The following KAT2A variants were observed in gnomAD, a reference collection of about 807,000 sequenced individuals.
The protein encoded by KAT2A is histone acetyltransferase KAT2A.
In KAT2A, 42 loss-of-function variants were observed where a neutral mutation model predicts 95.2. That is an observed-to-expected ratio of 0.44 (90% CI 0.34 to 0.57). The LOEUF (loss-of-function observed/expected upper bound fraction) is 0.57, where lower values mean the gene tolerates loss of function less well. Ranked by LOEUF, KAT2A falls within the 20% of genes least tolerant of loss-of-function variation. KAT2A has a pLI of 0.01. For synonymous variants in KAT2A, 449 were observed against 448.2 expected (o/e 1.00, Z -0.02); for missense variants, 784 against 1,126.3 (o/e 0.70, Z 4.35).
At chr17:42,120,874 G>A in intron 1 of KAT2A, 45 bp from the exon 2 acceptor site, 1 of 1,579,428 alleles carries the variant, frequency 6.3e-7, no homozygotes, top group Non-Finnish European at 8.6e-7. Flanking sequence ...TCTGGGGCAA[G>A]AGCCGCTCCG....
chr17:42,116,952 T>TGCCACACATCCTGCTGCTC, intron 11 of KAT2A, 83 bp downstream of exon 11: 1 of 1,526,774 alleles, frequency 6.5e-7, no homozygotes, highest in African/African-American at 1.4e-5. Context: ...GGCTGCTGCA[T>TGCCACACATCCTGCTGCTC]GCCACACATC....
intron 11 of KAT2A, among the ~76,000 whole-genome samples, 188 bp downstream of exon 11, chr17:42,116,847 G>C (rs2054264938): frequency 6.6e-6 from 1 of 152,250 alleles, no homozygotes; most frequent in Admixed American, 6.5e-5. Flanking sequence ...GGCTCCGTCT[G>C]TCAACAGGTG....
chr17:42,119,194 G>C lies in KAT2A; in HGVS notation c.1073+51C>G. 1 of 1,556,806 alleles carries C rather than the reference G, an allele frequency of 6.4e-7. No individual in the cohort carries two copies. ...CCTTCCTGGAAAAAAGGGGACAACA[G>C]GGAGGATGTGAACTTGGGGCCAAAT... On this transcript the variant is annotated intron_variant, in intron 6 of 17. Transcript: ENST00000225916. This position sits in a 1 kb window ranked among gnomAD's most constrained non-coding sequence, Gnocchi z 5.3.
rs782373861 is a variant in KAT2A, at chr17:42,117,577, T to C, written c.1448A>G (p.Asn483Ser). The C allele has an allele frequency of 8.1e-6, 13 of 1,612,866 alleles. No individual in the cohort carries two copies. The highest frequency in any genetic ancestry group is 1.1e-5 in the Non-Finnish European group (13 of 1,179,828). Residue 483 changes from asparagine (N) to serine (S), a missense_variant, in exon 10 of 18, where the codon AAT (asparagine) becomes AGT (serine). Asn to Ser is a conservative substitution (Grantham distance 46). Coordinates refer to ENST00000225916, the MANE Select transcript of KAT2A (RefSeq NM_021078.3). The surrounding 1 kb of genome is among the most constrained non-coding windows in gnomAD (Gnocchi z 8.9). ...GCGGGCTGTCTCATCCCGGGCCGCA[T>C]TGGCCGAAAGCAGGCTCGTCTGGGC... Reference protein sequence around the residue: ...LGPETSLLSANAARDETARLE... With the variant: ...LGPETSLLSASAARDETARLE...
At chr17:42,116,407 C>T (rs1324151112) in intron 11 of KAT2A, among the ~76,000 whole-genome samples, 1 of 152,226 alleles carries the variant, frequency 6.6e-6, no homozygotes, top group Non-Finnish European at 1.5e-5. Flanking sequence ...AAACTATCAG[C>T]ATAGGGCTAC....
chr17:42,113,903 A>G, intron 17 of KAT2A, 61 bp from the exon 18 acceptor site: 1 of 1,495,016 alleles, frequency 6.7e-7, no homozygotes, highest in Non-Finnish European at 8.9e-7. Flanking sequence ...AGGGCTGTCC[A>G]CCAGGGTGGG....
Position 42,117,627 on chromosome 17 carries a change from G to A in KAT2A, c.1429-31C>T, listed in dbSNP as rs1357519964. 3.7e-6 allele frequency: 6 copies of A among 1,606,844 alleles called. No individual in the cohort carries two copies. In the African/African-American group the frequency reaches 5.3e-5, roughly 14 times the overall value. On this transcript the variant is annotated intron_variant, in intron 9 of 17. Transcript: ENST00000225916. The surrounding 1 kb of genome is among the most constrained non-coding windows in gnomAD (Gnocchi z 8.9). ...CACAGAAGAGGGGTGGTGAGCCGGG[G>A]TCTCAGGTTGGTGGGGGTCCCCCAA...
Position 42,115,860 on chromosome 17 carries a change from C to T in KAT2A, c.1765-27G>A, listed in dbSNP as rs782727381. 16 of 1,357,770 alleles carry T rather than the reference C, an allele frequency of 1.2e-5. No individual in the cohort carries two copies. In the South Asian group the frequency reaches 1.7e-4, roughly 15 times the overall value. The allele number at this position is 1,357,770 out of a possible 1,614,324, so 84.1% of individuals were successfully genotyped here. The stretch of plus-strand genomic sequence containing the variant: ...TGCGGGGGAGGGAAGCAGGACTCAC[C>T]AGGAGCTGAGGATGGGCCTGGTGCT... On this transcript the variant is annotated intron_variant, in intron 11 of 17. Coordinates refer to ENST00000225916, the MANE Select transcript of KAT2A (RefSeq NM_021078.3).
Position 42,115,834 on chromosome 17 carries a change from C to T in KAT2A, c.1765-1G>A. On this transcript the variant is annotated splice_acceptor_variant, in intron 11 of 17. Coordinates refer to ENST00000225916, the MANE Select transcript of KAT2A (RefSeq NM_021078.3). LOFTEE classifies it high-confidence loss of function. ...GGTTCATCAGGTGGGTCCCATAACC[C>T]TGCGGGGGAGGGAAGCAGGACTCAC... 1.9e-6 allele frequency: 3 copies of T among 1,588,542 alleles called. No individual in the cohort carries two copies. Among genetic ancestry groups the T allele is most frequent in the Non-Finnish European group, 2.6e-6 (3 of 1,156,796 alleles).
At chr17:42,120,921 G>A in intron 1 of KAT2A, 45 bp downstream of exon 1, 2 of 1,555,284 alleles carry the variant, frequency 1.3e-6, no homozygotes, top group Non-Finnish European at 1.7e-6. Context: ...CCAGAGCCCT[G>A]GGATGCCCCA....
Position 42,114,405 on chromosome 17 carries a change from G to A in KAT2A, c.2135-11C>T, listed in dbSNP as rs1555665520. 1.2e-6 allele frequency: 2 copies of A among 1,613,898 alleles called. No homozygotes were observed. The highest frequency in any genetic ancestry group is 1.7e-5 in the Admixed American group (1 of 59,996). On this transcript the variant is annotated splice_polypyrimidine_tract_variant and intron_variant, in intron 14 of 17. Transcript: ENST00000225916. This position sits in a 1 kb window ranked among gnomAD's most constrained non-coding sequence, Gnocchi z 6.0. Reference sequence around the variant, plus strand: ...TCCAGCCTGTCTCTCCTGCAAAGTGGGAAGTGGGAGAATGTCTCTAAGAAT... The same window carrying A: ...TCCAGCCTGTCTCTCCTGCAAAGTGAGAAGTGGGAGAATGTCTCTAAGAAT...
chr17:42,121,159 G>A lies in KAT2A; in HGVS notation c.146C>T (p.Ala49Val), dbSNP rs1555667290. The part of the protein sequence containing the change: ...IPTPTPAPAP[A>V]PAAAPAGSTG... ...GCTGCCGGCTGGGGCTGCAGCTGGGGCAGGGGCTGGTGCCGGGGTGGGAGT... is the reference window on the plus strand; with the variant it reads ...GCTGCCGGCTGGGGCTGCAGCTGGGACAGGGGCTGGTGCCGGGGTGGGAGT... The change falls in exon 1 of 18, where the codon GCC (alanine) becomes GTC (valine). Residue 49 changes from alanine to valine, a missense_variant. Ala to Val is a moderately conservative substitution (Grantham distance 64). Around this residue, in one of 6 missense-constraint regions of KAT2A, gnomAD observed 142 missense variants for 123.2 expected, o/e 1.15. Coordinates refer to ENST00000225916, the MANE Select transcript of KAT2A (RefSeq NM_021078.3). The A allele has an allele frequency of 2.8e-6, 4 of 1,451,442 alleles. No individual in the cohort carries two copies. The Admixed American group carries it at 6.9e-5, about 25-fold the overall frequency. 89.9% of individuals were successfully genotyped at this position (1,451,442 alleles called of 1,614,324 possible). A position where few individuals can be genotyped will look rare whatever the true frequency, so the allele number is the denominator to read the frequency against.
At position 42,120,775 on chromosome 17, in the gene KAT2A, G is replaced by A. The variant is rs781967231; in HGVS notation, c.394C>T (p.Pro132Ser). The change falls in exon 2 of 18, where the codon CCC becomes TCC. Residue 132 changes from proline (P) to serine (S), a missense_variant. By Grantham distance (74) the Pro-to-Ser change is moderately conservative. Around this residue, in one of 6 missense-constraint regions of KAT2A, gnomAD observed 208 missense variants for 339.7 expected, o/e 0.61. Coordinates refer to ENST00000225916, the MANE Select transcript of KAT2A (RefSeq NM_021078.3). Reference sequence around the variant, plus strand: ...GCTGGCTGCTGCAGATCCATGCGGGGTGCAGTGGGGGGCTTGGGGTTTTTC... The same window carrying A: ...GCTGGCTGCTGCAGATCCATGCGGGATGCAGTGGGGGGCTTGGGGTTTTTC... ...GWKNPKPPTA[P>S]RMDLQQPAAN... is the part of the protein sequence containing the mutation. 6.2e-6 allele frequency: 10 copies of A among 1,613,986 alleles called. No homozygotes were observed. The highest frequency in any genetic ancestry group is 8.5e-6 in the Non-Finnish European group (10 of 1,179,928).
At chr17:42,115,447 C>G (rs1161154894) in intron 12 of KAT2A, among the ~76,000 whole-genome samples, 2 of 140,892 alleles carry the variant, frequency 1.4e-5, no homozygotes, top group Non-Finnish European at 3.1e-5. Context: ...CTAGTGCCCC[C>G]CCCAGTTCCT....
In KAT2A at chr17:42,115,829, T is replaced by C. The variant is rs782199510; in HGVS notation, c.1769A>G (p.Tyr590Cys). The change falls in exon 12 of 18, where the codon TAT (tyrosine) becomes TGT (cysteine). Residue 590 changes from tyrosine to cysteine, a missense_variant. This residue lies in a region of KAT2A where 174 missense variants were observed against 324.9 expected (regional missense o/e 0.54). Transcript: ENST00000225916. The stretch of plus-strand genomic sequence containing the variant: ...CAGGTGGTTCATCAGGTGGGTCCCA[T>C]AACCCTGCGGGGGAGGGAAGCAGGA... ...AVTSNEQVKG[Y>C]GTHLMNHLKE... 6.3e-7 allele frequency: 1 copy of C among 1,597,324 alleles called. No homozygotes were observed. The highest frequency in any genetic ancestry group is 8.6e-7 in the Non-Finnish European group (1 of 1,164,744).
rs2054332338 is a variant in KAT2A, at chr17:42,121,132, G to C, written c.173C>G (p.Thr58Arg). 2 of 1,497,052 alleles carry C rather than the reference G, an allele frequency of 1.3e-6. No homozygotes were observed. The highest frequency in any genetic ancestry group is 8.9e-7 in the Non-Finnish European group (1 of 1,120,566). The allele number at this position is 1,497,052 out of a possible 1,614,324, so 92.7% of individuals were successfully genotyped here. ...TCCTACCCCGGGCCCCCCAGTCCCT[G>C]TGCTGCCGGCTGGGGCTGCAGCTGG... ...PAPAAAPAGS[T>R]GTGGPGVGSG... Residue 58 changes from threonine to arginine, a missense_variant, in exon 1 of 18, where the codon ACA becomes AGA. Transcript: ENST00000225916.
rs782563726 is a variant in KAT2A at position 42,120,035 on chromosome 17, C to T, written c.694G>A (p.Glu232Lys). The T allele has an allele frequency of 1.2e-6, 2 of 1,613,202 alleles. No individual in the cohort carries two copies. The highest frequency in any genetic ancestry group is 8.5e-7 in the Non-Finnish European group (1 of 1,179,418). The change falls in exon 4 of 18, where the codon GAG (glutamate) becomes AAG (lysine). Residue 232 changes from glutamate (E) to lysine (K), a missense_variant. By Grantham distance (56) the Glu-to-Lys change is moderately conservative. Coordinates refer to ENST00000225916, the MANE Select transcript of KAT2A (RefSeq NM_021078.3). ...GSPPFEKPNI[E>K]QGVLNFVQYK... Reference sequence around the variant, plus strand: ...CTCCAATTCCCCTATCTCACCTGCTCAATATTAGGTTTCTCAAATGGAGGG... The same window carrying T: ...CTCCAATTCCCCTATCTCACCTGCTTAATATTAGGTTTCTCAAATGGAGGG...
At position 42,118,312 on chromosome 17, in the gene KAT2A, G is replaced by A; in HGVS notation, c.1165C>T (p.Leu389=). 6.2e-7 allele frequency: 1 copy of A among 1,612,272 alleles called. No homozygotes were observed. Among genetic ancestry groups the A allele is most frequent in the Non-Finnish European group, 8.5e-7 (1 of 1,178,324 alleles). The change falls in exon 7 of 18, where the codon CTG becomes TTG. Residue 389 remains leucine, a synonymous_variant. Transcript: ENST00000225916. Reference sequence around the variant, plus strand: ...TGGCACATACCTGGCCGGGGAACCAGCTGTGTCCCCTCTGAGGGTGGCATG... The same window carrying A: ...TGGCACATACCTGGCCGGGGAACCAACTGTGTCCCCTCTGAGGGTGGCATG... ...FTMPPSEGTQ[L]VPRPASVSAA... is the part of the protein sequence containing the mutation.
chr17:42,115,622 T>C (rs1428855805), intron 12 of KAT2A, 101 bp downstream of exon 12: 14 of 766,292 alleles, frequency 1.8e-5, no homozygotes, highest in South Asian at 5.7e-5. Flanking sequence ...TCAGGTGAAG[T>C]AGGGGACGCA....
Sources: allele counts gnomAD v4.1 joint callset (sites outside exome capture counted in the v4.1 genomes callset), GRCh38; gene constraint gnomAD v4.1.1; regional missense constraint gnomAD v4.1.1; non-coding constraint Gnocchi (gnomAD v3.1); transcripts MANE v1.5; gene names NCBI Gene and HGNC (gene_info 2026-07-23, HGNC 2026-07-21).